The following CDH15 variants were observed in gnomAD, a reference collection of about 807,000 sequenced individuals.
CDH15 encodes cadherin-15.
In CDH15, 73 loss-of-function variants were observed where a neutral mutation model predicts 69.4. That is an observed-to-expected ratio of 1.05 (90% CI 0.87 to 1.28). The LOEUF (loss-of-function observed/expected upper bound fraction) is 1.28, where lower values mean the gene tolerates loss of function less well. Among genes scored for constraint, CDH15 ranks in the 50% most tolerant of loss-of-function variants. CDH15 has a pLI of 0.00. For synonymous variants in CDH15, 624 were observed against 507.7 expected (o/e 1.23, Z -3.08); for missense variants, 1,343 against 1,133.6 (o/e 1.18, Z -2.65).
rs528541702 is a variant in CDH15, at chr16:89,181,468, C to CA, written c.357+1119dup. Among the ~76,000 whole-genome samples the CA allele has an allele frequency of 3.3e-5, 5 of 151,904 alleles. No homozygotes were observed. The South Asian group carries it at 1.0e-3, about 32-fold the overall frequency. Reference sequence around the variant, plus strand: ...CTCAACAAAAGATAAAATGGTAAAACAAAAAAGATAAAATGGTAAAATAAA... The same window carrying CA: ...CTCAACAAAAGATAAAATGGTAAAACAAAAAAAGATAAAATGGTAAAATAAA... On this transcript the variant is annotated intron_variant, in intron 3 of 13. Transcript: ENST00000289746.
rs746812025 is a variant in CDH15, at chr16:89,193,537, C to T, written c.1923C>T (p.His641=). ...WKQSRGKGLL[H]GPQDDLRDNV... ...AGTCTCGGGGCAAGGGGCTGCTGCA[C>T]GGCCCCCAGGACGACCTTCGAGACA... Residue 641 remains histidine (H), a synonymous_variant, in exon 12 of 14, where the codon CAC becomes CAT. Transcript: ENST00000289746. The T allele has an allele frequency of 1.5e-4, 239 of 1,611,702 alleles. No homozygotes were observed. Among genetic ancestry groups the T allele is most frequent in the Non-Finnish European group, 1.9e-4 (221 of 1,179,658 alleles).
At position 89,195,453 on chromosome 16, in the gene CDH15, G is replaced by A. The variant is rs1379035146; in HGVS notation, c.*298G>A. 2.2e-5 allele frequency: 10 copies of A among 460,412 alleles called. No homozygotes were observed. The highest frequency in any genetic ancestry group is 1.1e-4 in the East Asian group (3 of 28,434). 28.5% of individuals were successfully genotyped at this position (460,412 alleles called of 1,614,324 possible). A position where few individuals can be genotyped will look rare whatever the true frequency, so the allele number is the denominator to read the frequency against. On this transcript the variant is annotated 3_prime_UTR_variant, in exon 14 of 14. Coordinates refer to ENST00000289746, the MANE Select transcript of CDH15 (RefSeq NM_004933.3). ...TTGTATGAAAGACAGCAACCTCCTG[G>A]GTAAATCTGAATGAAAAACGTGCTA...
At chr16:89,185,090 C>T (rs1414759638) in intron 4 of CDH15, 83 bp from the exon 5 acceptor site, 10 of 1,336,442 alleles carry the variant, frequency 7.5e-6, no homozygotes, top group African/African-American at 5.8e-5. Context: ...CCTGTGCACA[C>T]GAGGTGCCCC....
At chr16:89,187,153 C>A (rs183684245) in intron 5 of CDH15, among the ~76,000 whole-genome samples, 1 of 151,458 alleles carries the variant, frequency 6.6e-6, no homozygotes, top group South Asian at 2.1e-4. Context: ...GCTCTGTAAA[C>A]GCTTACCCAG....
chr16:89,192,031 C>G (rs1915659356), intron 10 of CDH15, 137 bp downstream of exon 10: 2 of 1,157,402 alleles, frequency 1.7e-6, no homozygotes, highest in Non-Finnish European at 2.4e-6. Context: ...GCCACCCCCC[C>G]CACCACTGCA....
intron 5 of CDH15, chr16:89,185,959 C>T (rs143449743): frequency 2.5e-5 from 4 of 159,638 alleles, no homozygotes; most frequent in Non-Finnish European, 5.4e-5. Flanking sequence ...TAAACGCTTA[C>T]CCAGCGCAGA....
In CDH15 at chr16:89,171,754, C is replaced by G; in HGVS notation, c.-78C>G. 7.1e-7 allele frequency: 1 copy of G among 1,414,582 alleles called. No homozygotes were observed. The highest frequency in any genetic ancestry group is 9.6e-7 in the Non-Finnish European group (1 of 1,037,386). 87.6% of individuals were successfully genotyped at this position (1,414,582 alleles called of 1,614,324 possible). On this transcript the variant is annotated 5_prime_UTR_variant, in exon 1 of 14. Coordinates refer to ENST00000289746, the MANE Select transcript of CDH15 (RefSeq NM_004933.3). ...GTCTCTGGCCCTGGCCCGCCCCGCG[C>G]ACTTGCGCTGTCACTCAGCCTGGAC...
At chr16:89,192,175 G>C in intron 10 of CDH15, 30 bp from the exon 11 acceptor site, 1 of 1,512,056 alleles carries the variant, frequency 6.6e-7, no homozygotes, top group Non-Finnish European at 8.8e-7. Context: ...GCCTCGGGAG[G>C]CCCTCGCTCA....
In CDH15 at chr16:89,190,432, C is replaced by G. The variant is rs748291788; in HGVS notation, c.1168C>G (p.Pro390Ala). The change falls in exon 8 of 14, where the codon CCA becomes GCA. Residue 390 changes from proline to alanine, a missense_variant. By Grantham distance (27) the Pro-to-Ala change is conservative. Transcript: ENST00000289746. ...LRTSLAEGAP[P>A]GTLVATFSAR... ...GACCAGCCTAGCAGAGGGGGCACCC[C>G]CAGGCACTCTGGTGGCCACCTTCTC... The G allele has an allele frequency of 1.9e-6, 3 of 1,609,770 alleles. No individual in the cohort carries two copies. The Admixed American group carries it at 5.0e-5, about 27-fold the overall frequency.
chr16:89,190,821 C>G lies in CDH15; in HGVS notation c.1232+325C>G, dbSNP rs190967965. On this transcript the variant is annotated intron_variant, in intron 8 of 13. Transcript: ENST00000289746. ...CAAGCCTGGCCCTGTGTATCCCTGT[C>G]TGTGTCCACGGGGCCCGGGAAGGGC... 1.6e-4 allele frequency among the ~76,000 whole-genome samples: 24 copies of G among 152,264 alleles called. No homozygotes were observed. In the East Asian group the frequency reaches 4.6e-3, roughly 29 times the overall value.
chr16:89,191,554 C>T lies in CDH15; in HGVS notation c.1375+82C>T, dbSNP rs913952758. Reference sequence around the variant, plus strand: ...CCCTGCCAGTGTCGGAGGGCTCTGCCCATGTCGCCCGGGGGCTCAGAGCTG... The same window carrying T: ...CCCTGCCAGTGTCGGAGGGCTCTGCTCATGTCGCCCGGGGGCTCAGAGCTG... On this transcript the variant is annotated intron_variant, in intron 9 of 13. Coordinates refer to ENST00000289746, the MANE Select transcript of CDH15 (RefSeq NM_004933.3). The T allele has an allele frequency of 1.1e-5, 18 of 1,588,630 alleles. No individual in the cohort carries two copies. In the African/African-American group the frequency reaches 2.2e-4, roughly 19 times the overall value.
rs746551987 is a variant in CDH15 at position 89,171,830 on chromosome 16, C to G, written c.-2C>G. The stretch of plus-strand genomic sequence containing the variant: ...TCCGGCCCGGCTCCCGCCTCGGCCC[C>G]GATGGACGCCGCGTTCCTCCTCGTC... On this transcript the variant is annotated 5_prime_UTR_variant, in exon 1 of 14. Coordinates refer to ENST00000289746, the MANE Select transcript of CDH15 (RefSeq NM_004933.3). 22 of 1,557,398 alleles carry G rather than the reference C, an allele frequency of 1.4e-5. No individual in the cohort carries two copies. Among genetic ancestry groups the G allele is most frequent in the South Asian group, 8.2e-5 (7 of 84,948 alleles).
chr16:89,193,215 C>T (rs898895458), intron 11 of CDH15, among the ~76,000 whole-genome samples: 1 of 130,816 alleles, frequency 7.6e-6, no homozygotes, highest in African/African-American at 3.0e-5. Flanking sequence ...ACGCCTCTTC[C>T]CCAAGCCGGC....
In CDH15 at chr16:89,180,637, G is replaced by A. The variant is rs557750737; in HGVS notation, c.357+282G>A. Reference sequence around the variant, plus strand: ...TGCCAGGGAGGAGCATGCTGCAGCCGCTGTAGCTTCTGTGGCTCAACCACA... The same window carrying A: ...TGCCAGGGAGGAGCATGCTGCAGCCACTGTAGCTTCTGTGGCTCAACCACA... On this transcript the variant is annotated intron_variant, in intron 3 of 13. Transcript: ENST00000289746. Among the ~76,000 whole-genome samples, 320 of 152,374 alleles carry A rather than the reference G, an allele frequency of 2.1e-3. 1 individual carries two copies. Among genetic ancestry groups the A allele is most frequent in the Non-Finnish European group, 3.1e-3 (214 of 68,042 alleles).
At chr16:89,193,963 C>A in intron 13 of CDH15, 50 bp downstream of exon 13, 1 of 1,573,160 alleles carries the variant, frequency 6.4e-7, no homozygotes, top group Non-Finnish European at 8.7e-7. Context: ...CACAGGTGCA[C>A]ACACACATGC....
chr16:89,190,495 A>G lies in CDH15; in HGVS notation c.1231A>G (p.Ser411Gly). Reference protein sequence around the residue: ...DPDTEQLQRLSYSKDYDPEDW... With the variant: ...DPDTEQLQRLGYSKDYDPEDW... Reference sequence around the variant, plus strand: ...TGACACAGAGCAGCTGCAGAGGCTCAGGTGGGGCTCCTGAGGCCCTGGGAG... The same window carrying G: ...TGACACAGAGCAGCTGCAGAGGCTCGGGTGGGGCTCCTGAGGCCCTGGGAG... The change falls in exon 8 of 14, where the codon AGC becomes GGC. Residue 411 changes from serine (S) to glycine (G), a missense_variant and splice_region_variant. Ser to Gly is a moderately conservative substitution (Grantham distance 56). Coordinates refer to ENST00000289746, the MANE Select transcript of CDH15 (RefSeq NM_004933.3). 1 of 1,589,998 alleles carries G rather than the reference A, an allele frequency of 6.3e-7. No individual in the cohort carries two copies. Among genetic ancestry groups the G allele is most frequent in the Non-Finnish European group, 8.6e-7 (1 of 1,169,344 alleles).
At position 89,180,214 on chromosome 16, in the gene CDH15, G is replaced by C; in HGVS notation, c.216G>C (p.Lys72Asn). 1 of 1,610,988 alleles carries C rather than the reference G, an allele frequency of 6.2e-7. No individual in the cohort carries two copies. The highest frequency in any genetic ancestry group is 1.3e-5 in the African/African-American group (1 of 74,980). ...CTGCCCCACAGATCAAGTCGGACAA[G>C]CAGCAGCTGGGCAGCGTCATCTACA... is the stretch of plus-strand genomic sequence containing the variant. ...PYPLVQIKSD[K>N]QQLGSVIYSI... Residue 72 changes from lysine to asparagine, a missense_variant, in exon 3 of 14, where the codon AAG becomes AAC. Transcript: ENST00000289746.
chr16:89,189,306 G>C (rs1384226367), intron 7 of CDH15, among the ~76,000 whole-genome samples: 22 of 69,570 alleles, frequency 3.2e-4, no homozygotes, highest in African/African-American at 1.1e-3. Flanking sequence ...CCCACACACA[G>C]ATGCCGGCAC....
chr16:89,192,487 G>A (rs758886403), intron 11 of CDH15, 43 bp downstream of exon 11: 65 of 1,554,666 alleles, frequency 4.2e-5, no homozygotes, highest in Admixed American at 3.9e-4. Flanking sequence ...CGGACCCTCG[G>A]ACCCTCCTCC....
Sources: gnomAD v4.1 joint callset for allele counts (sites outside exome capture counted in the v4.1 genomes callset) on GRCh38, gnomAD v4.1.1 for gene constraint, MANE v1.5 for transcripts, NCBI Gene and HGNC (gene_info 2026-07-23, HGNC 2026-07-21) for gene names.